The following VAT1L variants were observed in gnomAD, a reference collection of about 807,000 sequenced individuals.
The protein encoded by VAT1L is vesicle amine transport 1 like, also known as putative NADPH-dependent quinone oxidoreductase VAT1L.
VAT1L carries 34 observed loss-of-function variants against 44.1 expected under a neutral mutation model. The ratio of observed to expected loss-of-function variants is 0.77; its 90% confidence interval spans 0.59 to 1.03. The LOEUF (loss-of-function observed/expected upper bound fraction) is 1.03. VAT1L is among the 50% of genes least tolerant of loss of function. VAT1L has a pLI of 0.00. For synonymous variants in VAT1L, 253 were observed against 202.2 expected (o/e 1.25, Z -2.13); for missense variants, 615 against 538.8 (o/e 1.14, Z -1.40).
intron 7 of VAT1L, among the ~76,000 whole-genome samples, chr16:77,911,435 G>A (rs2017498687): frequency 1.3e-5 from 2 of 152,098 alleles, no homozygotes; most frequent in Non-Finnish European, 2.9e-5. Context: ...CATAAAAACA[G>A]GCCCCTGCCC....
At chr16:77,880,602 T>TTTTTC (rs1388755477) in intron 6 of VAT1L, among the ~76,000 whole-genome samples, 2 of 146,248 alleles carry the variant, frequency 1.4e-5, no homozygotes, top group Admixed American at 1.4e-4. Context: ...TTTTTTTTTT[T>TTTTTC]TTTTTTTTTT....
In VAT1L at chr16:77,825,252, GA is replaced by G; in HGVS notation, c.371del (p.Asp124AlafsTer30). ...TGTGTTTCCCCATGCCCAGATTGGA[GA>G]CCGTGTCATGGCATTTGTCAATTAC... The part of the protein sequence containing the change: ...GDSVKGYEIG[D>X]RVMAFVNYNA... On this transcript the variant is annotated frameshift_variant, in exon 3 of 9. Coordinates refer to ENST00000302536, the MANE Select transcript of VAT1L (RefSeq NM_020927.3). LOFTEE classifies it high-confidence loss of function. 1 of 1,614,076 alleles carries G rather than the reference GA, an allele frequency of 6.2e-7. No individual in the cohort carries two copies. Among genetic ancestry groups the G allele is most frequent in the Non-Finnish European group, 8.5e-7 (1 of 1,180,038 alleles).
At chr16:77,921,212 T>C (rs895988284) in intron 7 of VAT1L, among the ~76,000 whole-genome samples, 2 of 152,236 alleles carry the variant, frequency 1.3e-5, no homozygotes, top group Non-Finnish European at 2.9e-5. Context: ...CCAGTCTTTC[T>C]TTCCAGCTGG....
intron 3 of VAT1L, among the ~76,000 whole-genome samples, chr16:77,830,570 C>G (rs754031512): frequency 6.6e-6 from 1 of 152,176 alleles, no homozygotes; most frequent in South Asian, 2.1e-4. Context: ...GGGGAGTTCA[C>G]CTGCACAAGC....
At chr16:77,828,281 T>C (rs1026395493) in intron 3 of VAT1L, among the ~76,000 whole-genome samples, 1 of 152,224 alleles carries the variant, frequency 6.6e-6, no homozygotes, top group African/African-American at 2.4e-5. Flanking sequence ...AAAGGAACTT[T>C]ACAGGTATGA....
Position 77,883,810 on chromosome 16 carries a change from T to C in VAT1L, c.883-798T>C, listed in dbSNP as rs1382320650. Among the ~76,000 whole-genome samples, 3 of 152,114 alleles carry C rather than the reference T, an allele frequency of 2.0e-5. No individual in the cohort carries two copies. The South Asian group carries it at 6.2e-4, about 32-fold the overall frequency. The stretch of plus-strand genomic sequence containing the variant: ...ATGGATCCCTACCCGCCTCCCCAGA[T>C]TTAGCCTTATCAAAACCACTCCCCC... On this transcript the variant is annotated intron_variant, in intron 6 of 8. Transcript: ENST00000302536.
intron 2 of VAT1L, 44 bp downstream of exon 2, chr16:77,817,094 C>T (rs1392288435): frequency 6.3e-7 from 1 of 1,588,154 alleles, no homozygotes; most frequent in Middle Eastern, 1.7e-4. Context: ...CATTTGGAAT[C>T]CATTGAGACA....
At position 77,978,925 on chromosome 16, in the gene VAT1L, G is replaced by T. The variant is rs979693016; in HGVS notation, c.*1230G>T. Reference sequence around the variant, plus strand: ...AGAAACAGAGGGAGCTCCTCACCCCGTCCTTCCAGTCCTTTTGGCTAAAAT... The same window carrying T: ...AGAAACAGAGGGAGCTCCTCACCCCTTCCTTCCAGTCCTTTTGGCTAAAAT... On this transcript the variant is annotated 3_prime_UTR_variant, in exon 9 of 9. Transcript: ENST00000302536. 6.6e-6 allele frequency: 1 copy of T among 152,304 alleles called. No individual in the cohort carries two copies. The highest frequency in any genetic ancestry group is 1.9e-4 in the East Asian group (1 of 5,184). 9.4% of individuals were successfully genotyped at this position (152,304 alleles called of 1,614,324 possible).
intron 7 of VAT1L, among the ~76,000 whole-genome samples, chr16:77,905,858 C>G (rs891764234): frequency 6.6e-6 from 1 of 152,218 alleles, no homozygotes; most frequent in African/African-American, 2.4e-5. Flanking sequence ...TACTGCATCT[C>G]TCCCTGACAT....
chr16:77,922,149 A>T (rs2017618442), intron 7 of VAT1L, among the ~76,000 whole-genome samples: 1 of 152,036 alleles, frequency 6.6e-6, no homozygotes, highest in African/African-American at 2.4e-5. Flanking sequence ...TCATAAATGA[A>T]GAATCTCTCG....
intron 3 of VAT1L, among the ~76,000 whole-genome samples, chr16:77,838,002 G>A (rs1355681746): frequency 2.0e-5 from 3 of 152,170 alleles, no homozygotes; most frequent in South Asian, 2.1e-4. Flanking sequence ...AAAGAAAGCC[G>A]ATCTCATCTC....
intron 3 of VAT1L, among the ~76,000 whole-genome samples, chr16:77,859,762 A>G (rs1176306685): frequency 6.6e-6 from 1 of 152,206 alleles, no homozygotes; most frequent in Non-Finnish European, 1.5e-5. Flanking sequence ...AGGGAGGAAG[A>G]GGAGGCCAGG....
intron 7 of VAT1L, among the ~76,000 whole-genome samples, chr16:77,889,906 G>A (rs1312481846): frequency 1.3e-5 from 2 of 152,050 alleles, no homozygotes; most frequent in Admixed American, 1.3e-4. Flanking sequence ...GGCCAACAGG[G>A]TGAAGCCCCA....
chr16:77,851,924 C>T (rs1220704937), intron 3 of VAT1L, among the ~76,000 whole-genome samples: 2 of 152,144 alleles, frequency 1.3e-5, no homozygotes, highest in African/African-American at 4.8e-5. Flanking sequence ...TCCTGTCCTT[C>T]TTGTACATTT....
intron 7 of VAT1L, among the ~76,000 whole-genome samples, chr16:77,958,911 G>T (rs1214395019): frequency 6.6e-6 from 1 of 152,164 alleles, no homozygotes; most frequent in South Asian, 2.1e-4. Context: ...TAGTTATCCT[G>T]TTGCCAAGTA....
intron 7 of VAT1L, among the ~76,000 whole-genome samples, chr16:77,907,902 G>T (rs544472230): frequency 6.6e-6 from 1 of 152,250 alleles, no homozygotes; most frequent in African/African-American, 2.4e-5. Context: ...AAAGCAGAGA[G>T]TAGCAGTGAA....
At chr16:77,967,006 C>A (rs1199408326) in intron 7 of VAT1L, among the ~76,000 whole-genome samples, 2 of 149,638 alleles carry the variant, frequency 1.3e-5, no homozygotes, top group Non-Finnish European at 3.0e-5. Context: ...CCACGTGCTA[C>A]TGAGCTTTCT....
At chr16:77,914,708 C>T (rs568272552) in intron 7 of VAT1L, among the ~76,000 whole-genome samples, 19 of 147,314 alleles carry the variant, frequency 1.3e-4, no homozygotes, top group Non-Finnish European at 2.2e-4. Context: ...GTTGTTGGGC[C>T]GGTTATTGAA....
chr16:77,823,893 T>G (rs1486692020), intron 2 of VAT1L, among the ~76,000 whole-genome samples: 1 of 152,074 alleles, frequency 6.6e-6, no homozygotes, highest in Admixed American at 6.6e-5. Flanking sequence ...CATTGTGATG[T>G]GTGCCTGTAA....
Sources: allele counts gnomAD v4.1 joint callset (sites outside exome capture counted in the v4.1 genomes callset), GRCh38; gene constraint gnomAD v4.1.1; transcripts MANE v1.5; gene names NCBI Gene and HGNC (gene_info 2026-07-23, HGNC 2026-07-21).